The following GABRA3 variants were observed in gnomAD, a reference collection of about 807,000 sequenced individuals.
The protein encoded by GABRA3 is gamma-aminobutyric acid type A receptor subunit alpha3.
Under a neutral mutation model 30.1 loss-of-function variants are expected in GABRA3, and 10 were observed. That is an observed-to-expected ratio of 0.33 (90% CI 0.20 to 0.56). The LOEUF is 0.56. GABRA3 is among the 20% of genes least tolerant of loss of function. The pLI is 0.89. For synonymous variants in GABRA3, 151 were observed against 146.8 expected (o/e 1.03, Z -0.21); for missense variants, 233 against 392.0 (o/e 0.59, Z 3.42).
chrX:152,256,259 G>A (rs1472874667), intron 4 of GABRA3, among the ~76,000 whole-genome samples: 1 of 111,131 alleles, frequency 9.0e-6, no homozygotes, highest in Non-Finnish European at 1.9e-5. Context: ...CAGCACACAA[G>A]CTGATCATAA....
Position 152,287,041 on chromosome X carries a change from T to C in GABRA3, c.263-2306A>G, listed in dbSNP as rs184654187. On this transcript the variant is annotated intron_variant, in intron 3 of 9. Coordinates refer to ENST00000370314, the MANE Select transcript of GABRA3 (RefSeq NM_000808.4). ...TTGGCTAAAGAAGCAAATGCCTATA[T>C]ACCTACTGTGTGACATAATGACCTC... 2.7e-5 allele frequency among the ~76,000 whole-genome samples: 3 copies of C among 111,680 alleles called. No individual in the cohort carries two copies. In the Admixed American group the frequency reaches 2.9e-4, roughly 11 times the overall value.
chrX:152,220,360 G>T (rs1372782213), intron 6 of GABRA3, among the ~76,000 whole-genome samples: 2 of 111,852 alleles, frequency 1.8e-5, no homozygotes, highest in Non-Finnish European at 3.8e-5. Flanking sequence ...GCTCAGCATT[G>T]TGGCTGTACC....
chrX:152,435,373 A>G (rs1211267172), intron 1 of GABRA3, among the ~76,000 whole-genome samples: 1 of 111,835 alleles, frequency 8.9e-6, no homozygotes, highest in African/African-American at 3.2e-5. Context: ...AGACTGGATG[A>G]AGAAAATGTG....
At chrX:152,436,881 A>C (rs1283917604) in intron 1 of GABRA3, among the ~76,000 whole-genome samples, 2 of 111,730 alleles carry the variant, frequency 1.8e-5, no homozygotes, top group Admixed American at 1.9e-4. Flanking sequence ...CCCATTAAGA[A>C]AATGAAAAGA....
intron 3 of GABRA3, among the ~76,000 whole-genome samples, chrX:152,332,708 T>C (rs1940181910): frequency 8.9e-6 from 1 of 111,891 alleles, no homozygotes. Context: ...GTAAAAGCCC[T>C]GTTCTCTGGT....
intron 9 of GABRA3, among the ~76,000 whole-genome samples, chrX:152,177,926 A>G (rs1024166310): frequency 1.8e-5 from 2 of 112,186 alleles, no homozygotes; most frequent in African/African-American, 6.5e-5. Context: ...AACTTTTTGC[A>G]TGAAGTAAAG....
At chrX:152,408,456 G>T (rs1288783672) in intron 1 of GABRA3, among the ~76,000 whole-genome samples, 1 of 111,135 alleles carries the variant, frequency 9.0e-6, no homozygotes. Flanking sequence ...AAGAAACAAA[G>T]AAAGTATTCC....
intron 1 of GABRA3, among the ~76,000 whole-genome samples, chrX:152,383,407 A>AAAAG (rs1569413642): frequency 6.8e-5 from 7 of 103,244 alleles, no homozygotes; most frequent in South Asian, 4.2e-4. Context: ...AAAAAAAAAA[A>AAAAG]AAAGAAAGAA....
intron 5 of GABRA3, among the ~76,000 whole-genome samples, chrX:152,232,512 G>C (rs1288576635): frequency 1.8e-5 from 2 of 109,821 alleles, no homozygotes; most frequent in Non-Finnish European, 3.8e-5. Context: ...ATAACATGCA[G>C]TATTTGACTT....
chrX:152,269,535 T>A lies in GABRA3; in HGVS notation c.331-13537A>T, dbSNP rs759630660. ...AAAAGGCCTTGAATAACCAAAGCAA[T>A]CCTGAGCAAAAAGAACAAAGCCTGA... On this transcript the variant is annotated intron_variant, in intron 4 of 9. Coordinates refer to ENST00000370314, the MANE Select transcript of GABRA3 (RefSeq NM_000808.4). Among the ~76,000 whole-genome samples, 7 of 111,469 alleles carry A rather than the reference T, an allele frequency of 6.3e-5. No individual in the cohort carries two copies. The Admixed American group carries it at 6.6e-4, about 11-fold the overall frequency.
chrX:152,167,491 G>C lies in GABRA3; in HGVS notation c.*737C>G, dbSNP rs1472713518. On this transcript the variant is annotated 3_prime_UTR_variant, in exon 10 of 10. Coordinates refer to ENST00000370314, the MANE Select transcript of GABRA3 (RefSeq NM_000808.4). Reference sequence around the variant, plus strand: ...TAAGTAGTGCTCAGTTGGCTACAAGGGTGCCAAAGGCAGTGGGGGAAGAAG... The same window carrying C: ...TAAGTAGTGCTCAGTTGGCTACAAGCGTGCCAAAGGCAGTGGGGGAAGAAG... The C allele has an allele frequency of 8.9e-6, 1 of 112,086 alleles. No homozygotes were observed. Among genetic ancestry groups the C allele is most frequent in the Non-Finnish European group, 1.9e-5 (1 of 53,273 alleles). 9.2% of individuals were successfully genotyped at this position (112,086 alleles called of 1,213,427 possible).
intron 5 of GABRA3, among the ~76,000 whole-genome samples, chrX:152,235,331 T>C (rs1195573558): frequency 1.8e-5 from 2 of 111,759 alleles, no homozygotes; most frequent in Admixed American, 9.6e-5. Context: ...ACGACTGAAT[T>C]CATTTATCAA....
intron 9 of GABRA3, among the ~76,000 whole-genome samples, chrX:152,185,891 T>A (rs1341975710): frequency 1.8e-5 from 2 of 112,265 alleles, no homozygotes; most frequent in Non-Finnish European, 3.8e-5. Flanking sequence ...TAAGCTTTTT[T>A]AATCCCAGGT....
At chrX:152,448,432 T>A (rs1931141054) in intron 1 of GABRA3, among the ~76,000 whole-genome samples, 1 of 111,723 alleles carries the variant, frequency 9.0e-6, no homozygotes, top group African/African-American at 3.3e-5. Flanking sequence ...AGAGACACAG[T>A]CCATCTCAAC....
intron 1 of GABRA3, among the ~76,000 whole-genome samples, chrX:152,407,883 A>T (rs1417494470): frequency 8.9e-6 from 1 of 111,829 alleles, no homozygotes; most frequent in Non-Finnish European, 1.9e-5. Flanking sequence ...ATCATGACCA[A>T]GAGATGAGTC....
intron 1 of GABRA3, among the ~76,000 whole-genome samples, chrX:152,383,966 T>A: frequency 6.2e-5 from 3 of 48,474 alleles, no homozygotes; most frequent in East Asian, 5.0e-4. Flanking sequence ...CCCTACAGAC[T>A]CCACCACAAA....
intron 9 of GABRA3, among the ~76,000 whole-genome samples, chrX:152,169,622 G>A (rs907176782): frequency 8.9e-6 from 1 of 111,871 alleles, no homozygotes; most frequent in Non-Finnish European, 1.9e-5. Context: ...CCCAGCCCCA[G>A]GCCAAATGCA....
chrX:152,183,180 A>G (rs1422299501), intron 9 of GABRA3, among the ~76,000 whole-genome samples: 2 of 110,135 alleles, frequency 1.8e-5, no homozygotes, highest in African/African-American at 6.6e-5. Flanking sequence ...CAGTGAAGAC[A>G]TCAGGTCCTG....
chrX:152,376,283 T>C (rs1480651778), intron 1 of GABRA3, among the ~76,000 whole-genome samples: 1 of 110,895 alleles, frequency 9.0e-6, no homozygotes, highest in Non-Finnish European at 1.9e-5. Context: ...CCCAAAACTC[T>C]TATTTTTTTT....
Sources: allele counts gnomAD v4.1 joint callset (sites outside exome capture counted in the v4.1 genomes callset), GRCh38; gene constraint gnomAD v4.1.1; transcripts MANE v1.5; gene names NCBI Gene and HGNC (gene_info 2026-07-23, HGNC 2026-07-21).